GPR158: variants seen among roughly 807,000 people sequenced by gnomAD.
GPR158 encodes G protein-coupled receptor 158.
GPR158 carries 30 observed loss-of-function variants against 78.2 expected under a neutral mutation model. That is an observed-to-expected ratio of 0.38 (90% CI 0.29 to 0.52). GPR158 has a LOEUF of 0.52. GPR158 is among the 20% of genes least tolerant of loss of function. The pLI, the probability that GPR158 is intolerant of heterozygous loss-of-function variation, is 0.83. For synonymous variants in GPR158, 581 were observed against 591.1 expected (o/e 0.98, Z 0.25); for missense variants, 1,463 against 1,523.5 (o/e 0.96, Z 0.66).
chr10:25,486,815 T>TTA (rs1233067345), intron 5 of GPR158, among the ~76,000 whole-genome samples: 2 of 151,666 alleles, frequency 1.3e-5, no homozygotes, highest in Non-Finnish European at 2.9e-5. Context: ...GATAGACCAT[T>TTA]TTTTTTTGGT....
chr10:25,428,976 T>C (rs925203724), intron 4 of GPR158, among the ~76,000 whole-genome samples: 2 of 152,038 alleles, frequency 1.3e-5, no homozygotes, highest in African/African-American at 2.4e-5. Flanking sequence ...TAGGGCCATC[T>C]TTAGCGTTAC....
intron 5 of GPR158, among the ~76,000 whole-genome samples, chr10:25,517,248 T>C (rs1836190917): frequency 6.6e-6 from 1 of 150,606 alleles, no homozygotes; most frequent in Non-Finnish European, 1.5e-5. Flanking sequence ...CTGAAGTTGC[T>C]TATCAGCTTA....
intron 5 of GPR158, among the ~76,000 whole-genome samples, chr10:25,517,506 G>A (rs1276318329): frequency 1.3e-5 from 2 of 152,054 alleles, no homozygotes; most frequent in Non-Finnish European, 2.9e-5. Flanking sequence ...TAGGCTGTGG[G>A]TTTGTCATAG....
chr10:25,425,080 TCCTTGAAGTGGTCCTTCACATC>T (rs1202893945), intron 4 of GPR158, among the ~76,000 whole-genome samples: 1 of 152,192 alleles, frequency 6.6e-6, no homozygotes, highest in Non-Finnish European at 1.5e-5. Flanking sequence ...TTTGTAGTTC[TCCTTGAAGTGGTCCTTCACATC>T]CCTTGTAAGC....
chr10:25,567,088 TA>T (rs1330042637), intron 6 of GPR158, among the ~76,000 whole-genome samples: 1 of 151,996 alleles, frequency 6.6e-6, no homozygotes, highest in African/African-American at 2.4e-5. Flanking sequence ...TTATTCCAAT[TA>T]AGGTAATAGG....
At chr10:25,297,194 C>A (rs1455536308) in intron 2 of GPR158, among the ~76,000 whole-genome samples, 4 of 152,182 alleles carry the variant, frequency 2.6e-5, no homozygotes, top group Non-Finnish European at 4.4e-5. Context: ...ATAAATTCTG[C>A]CCCTAGGTGT....
At chr10:25,473,960 A>T (rs1049893211) in intron 5 of GPR158, among the ~76,000 whole-genome samples, 2 of 152,112 alleles carry the variant, frequency 1.3e-5, no homozygotes, top group African/African-American at 4.8e-5. Flanking sequence ...GACTTTGCTG[A>T]TATGATTATG....
intron 2 of GPR158, among the ~76,000 whole-genome samples, chr10:25,223,713 C>T (rs1853333941): frequency 6.6e-6 from 1 of 152,098 alleles, no homozygotes; most frequent in South Asian, 2.1e-4. Flanking sequence ...TGTAAACTGG[C>T]TTATTTTGGG....
At chr10:25,518,730 C>A (rs1205264975) in intron 5 of GPR158, among the ~76,000 whole-genome samples, 1 of 14,672 alleles carries the variant, frequency 6.8e-5, no homozygotes, top group Non-Finnish European at 1.2e-4. Flanking sequence ...GCACTGTGGT[C>A]TGAGAGATAG....
chr10:25,389,314 ACC>A (rs1834262242), intron 2 of GPR158, among the ~76,000 whole-genome samples: 8 of 151,668 alleles, frequency 5.3e-5, no homozygotes, highest in African/African-American at 1.9e-4. Flanking sequence ...GGAGCTGCCC[ACC>A]CCAGGGTCTC....
intron 8 of GPR158, 158 bp from the exon 9 acceptor site, chr10:25,594,134 T>C (rs144753965): frequency 8.9e-6 from 5 of 559,930 alleles, no homozygotes; most frequent in Non-Finnish European, 1.6e-5. Flanking sequence ...AAGCTTAGAC[T>C]TTATTCTTTT....
intron 9 of GPR158, among the ~76,000 whole-genome samples, 172 bp from the exon 10 acceptor site, chr10:25,596,471 T>C (rs192639753): frequency 1.4e-4 from 22 of 152,100 alleles, no homozygotes; most frequent in Non-Finnish European, 1.5e-5. Flanking sequence ...CCCTGTCTGT[T>C]TGTCTGTCTG....
rs60603738 is a variant in GPR158, at chr10:25,225,183, C to CTTTTTTTTTTTTTT, written c.1008+4028_1008+4041dup. On this transcript the variant is annotated intron_variant, in intron 2 of 10. Coordinates refer to ENST00000376351, the MANE Select transcript of GPR158 (RefSeq NM_020752.3). ...AGATCAGCAGATTTGGAACATTTGC[C>CTTTTTTTTTTTTTT]TTTTTTTTTTTTTTTGTATAAAGCA... is the stretch of plus-strand genomic sequence containing the variant. Among the ~76,000 whole-genome samples, 74 of 134,740 alleles carry CTTTTTTTTTTTTTT rather than the reference C, an allele frequency of 5.5e-4. 2 individuals are homozygous for CTTTTTTTTTTTTTT. The highest frequency in any genetic ancestry group is 1.9e-3 in the African/African-American group (69 of 35,466). The allele number at this position is 134,740 out of a possible 152,430, so 88.4% of individuals were successfully genotyped here.
At chr10:25,180,786 T>A (rs11014434) in intron 1 of GPR158, among the ~76,000 whole-genome samples, 5,120 of 151,728 alleles carry the variant, frequency 0.034, 403 homozygotes, top group East Asian at 0.24. Flanking sequence ...ATAAATCCAG[T>A]ACCTTGTGGA....
chr10:25,401,280 C>T (rs1040491813), intron 3 of GPR158, among the ~76,000 whole-genome samples: 2 of 152,162 alleles, frequency 1.3e-5, no homozygotes, highest in East Asian at 3.8e-4. Flanking sequence ...CTTGTAGTCT[C>T]ATTCTGAAGC....
intron 5 of GPR158, among the ~76,000 whole-genome samples, chr10:25,513,504 TGG>T (rs1287581894): frequency 2.6e-5 from 4 of 150,986 alleles, no homozygotes; most frequent in African/African-American, 7.4e-5. Context: ...TTTTTTTTTT[TGG>T]TTCAATTTTA....
intron 2 of GPR158, among the ~76,000 whole-genome samples, chr10:25,283,896 T>C (rs1049519666): frequency 2.0e-5 from 3 of 151,990 alleles, no homozygotes; most frequent in Middle Eastern, 3.2e-3. Context: ...TTTATAATTA[T>C]GTTAATTTTA....
chr10:25,388,101 T>C (rs973178505), intron 2 of GPR158, among the ~76,000 whole-genome samples: 6 of 152,354 alleles, frequency 3.9e-5, no homozygotes, highest in African/African-American at 1.4e-4. Context: ...TGGATTTGAT[T>C]GTGAGTTCTT....
At chr10:25,551,140 G>A in intron 6 of GPR158, 55 bp downstream of exon 6, 1 of 1,005,118 alleles carries the variant, frequency 9.9e-7, no homozygotes, top group Admixed American at 1.7e-5. Flanking sequence ...TAATCAGCTT[G>A]GCACATAATT....
Sources: gnomAD v4.1 joint callset for allele counts (sites outside exome capture counted in the v4.1 genomes callset) on GRCh38, gnomAD v4.1.1 for gene constraint, MANE v1.5 for transcripts, NCBI Gene and HGNC (gene_info 2026-07-23, HGNC 2026-07-21) for gene names.